Variants in UBE2K observed in about 807,000 individuals in gnomAD.
UBE2K encodes ubiquitin-conjugating enzyme E2 K.
A neutral mutation model predicts 30.0 loss-of-function variants in UBE2K; 6 were observed. The ratio of observed to expected loss-of-function variants is 0.20; its 90% CI spans 0.11 to 0.39. The LOEUF (loss-of-function observed/expected upper bound fraction) is 0.39, where lower values mean the gene tolerates loss of function less well. UBE2K is among the 10% of genes least tolerant of loss of function. UBE2K has a pLI of 1.00. For synonymous variants in UBE2K, 86 were observed against 83.7 expected (o/e 1.03, Z -0.15); for missense variants, 61 against 241.6 (o/e 0.25, Z 4.96).
At chr4:39,777,644 CTG>C in intron 5 of UBE2K, 36 bp from the exon 6 acceptor site, 2 of 1,500,428 alleles carry the variant, frequency 1.3e-6, no homozygotes, top group South Asian at 1.4e-5. Context: ...AATATTATAA[CTG>C]TAATGTCATG....
At position 39,739,442 on chromosome 4, in the gene UBE2K, A is replaced by ATTT. The variant is rs35957337; in HGVS notation, c.157+1947_157+1949dup. Among the ~76,000 whole-genome samples, 311 of 105,784 alleles carry ATTT rather than the reference A, an allele frequency of 2.9e-3. 8 individuals are homozygous for ATTT. Among genetic ancestry groups the ATTT allele is most frequent in the Middle Eastern group, 5.7e-3 (1 of 174 alleles). 69.4% of individuals were successfully genotyped at this position (105,784 alleles called of 152,430 possible). A position where few individuals can be genotyped will look rare whatever the true frequency, so the allele number is the denominator to read the frequency against. ...CATATTATACCAATTCTGTTTATTC[A>ATTT]TTTTTTTTTTTTTTTTTTTTGGGAG... On this transcript the variant is annotated intron_variant, in intron 2 of 6. Coordinates refer to ENST00000261427, the MANE Select transcript of UBE2K (RefSeq NM_005339.5).
At chr4:39,708,046 A>C (rs1338334984) in intron 1 of UBE2K, among the ~76,000 whole-genome samples, 4 of 151,646 alleles carry the variant, frequency 2.6e-5, no homozygotes, top group Admixed American at 2.6e-4. Context: ...ACAGGCATGC[A>C]CCACCACGCT....
At chr4:39,714,872 A>C (rs369010612) in intron 1 of UBE2K, among the ~76,000 whole-genome samples, 123 of 151,168 alleles carry the variant, frequency 8.1e-4, no homozygotes, top group Middle Eastern at 3.4e-3. Flanking sequence ...TTTAAGAGAC[A>C]GGTCTCACTC....
At chr4:39,715,264 G>A (rs1285621580) in intron 1 of UBE2K, among the ~76,000 whole-genome samples, 4 of 151,564 alleles carry the variant, frequency 2.6e-5, no homozygotes, top group African/African-American at 7.3e-5. Flanking sequence ...TCCTGACCTC[G>A]TGATCCACCT....
At chr4:39,713,848 C>T (rs901394579) in intron 1 of UBE2K, 2 of 151,492 alleles carry the variant, frequency 1.3e-5, no homozygotes, top group South Asian at 2.1e-4. Context: ...TGTTTAAAAC[C>T]GAAACTCTGG....
At chr4:39,718,028 A>G (rs146079364) in intron 1 of UBE2K, among the ~76,000 whole-genome samples, 15,871 of 152,136 alleles carry the variant, frequency 0.1, 1,095 homozygotes, top group East Asian at 0.22. Context: ...ATTTATTGCA[A>G]AGAGCAAAAG....
At chr4:39,705,194 GTTT>G (rs57314034) in intron 1 of UBE2K, among the ~76,000 whole-genome samples, 3 of 107,444 alleles carry the variant, frequency 2.8e-5, no homozygotes, top group Admixed American at 1.1e-4. Context: ...CTGCACCTGG[GTTT>G]TTTTTTTTTT....
rs996587736 is a variant in UBE2K at position 39,747,533 on chromosome 4, T to C, written c.216+1723T>C. 3.9e-5 allele frequency among the ~76,000 whole-genome samples: 6 copies of C among 152,254 alleles called. No homozygotes were observed. The South Asian group carries it at 1.2e-3, about 31-fold the overall frequency. ...GCATGTGTCAGAATTTCTTTGTTTT[T>C]AAGGCTGAATAATACTCCATTATAA... On this transcript the variant is annotated intron_variant, in intron 3 of 6. Transcript: ENST00000261427.
intron 4 of UBE2K, chr4:39,771,258 GT>G: frequency 6.2e-7 from 1 of 1,611,894 alleles, no homozygotes; most frequent in Non-Finnish European, 8.5e-7. Flanking sequence ...GCAGGAACTG[GT>G]CCCGCAGGAA....
intron 4 of UBE2K, among the ~76,000 whole-genome samples, chr4:39,764,180 C>A (rs1712154772): frequency 6.6e-6 from 1 of 152,152 alleles, no homozygotes; most frequent in Non-Finnish European, 1.5e-5. Context: ...CATGGCAAGA[C>A]CCTGTCTGTA....
intron 4 of UBE2K, among the ~76,000 whole-genome samples, chr4:39,764,869 G>A (rs1274345948): frequency 6.9e-6 from 1 of 145,446 alleles, no homozygotes; most frequent in Admixed American, 7.3e-5. Flanking sequence ...AAGGATTTTT[G>A]AATCTCTAAG....
intron 4 of UBE2K, among the ~76,000 whole-genome samples, chr4:39,763,439 C>T (rs538957860): frequency 1.7e-4 from 26 of 152,008 alleles, no homozygotes; most frequent in African/African-American, 4.8e-4. Flanking sequence ...TTAGTAGAGA[C>T]GGGGTTTCTC....
chr4:39,770,828 T>TA (rs1712752432), intron 4 of UBE2K: 1 of 1,547,486 alleles, frequency 6.5e-7, no homozygotes, highest in Non-Finnish European at 8.7e-7. Flanking sequence ...AGATGTCAGA[T>TA]ACGTCCTCAT....
In UBE2K at chr4:39,749,025, C is replaced by T. The variant is rs28587078; in HGVS notation, c.216+3215C>T. 7.5e-3 allele frequency among the ~76,000 whole-genome samples: 1,144 copies of T among 152,210 alleles called. 15 individuals carry two copies. Among genetic ancestry groups the T allele is most frequent in the African/African-American group, 0.026 (1,084 of 41,516 alleles). ...AATTGTGTGTTCACATGTGTTTGGA[C>T]TCAGGCTTAATTTTAAGTCTTATGA... On this transcript the variant is annotated intron_variant, in intron 3 of 6. Coordinates refer to ENST00000261427, the MANE Select transcript of UBE2K (RefSeq NM_005339.5).
intron 2 of UBE2K, among the ~76,000 whole-genome samples, chr4:39,742,338 T>G (rs567486326): frequency 5.3e-5 from 8 of 152,228 alleles, no homozygotes; most frequent in African/African-American, 1.9e-4. Flanking sequence ...CCTGTCAGTT[T>G]TTTTTTTCTT....
At position 39,770,796 on chromosome 4, in the gene UBE2K, G is replaced by A. The variant is rs1712747981; in HGVS notation, c.300-4038G>A. 1.9e-6 allele frequency: 3 copies of A among 1,566,540 alleles called. No individual in the cohort carries two copies. The South Asian group carries it at 3.6e-5, about 19-fold the overall frequency. On this transcript the variant is annotated intron_variant, in intron 4 of 6. Transcript: ENST00000261427. Reference sequence around the variant, plus strand: ...CTTGAGCCGGTGTGCGATGTCCAGGGCCGACTCCACCTTGACGATGCAGAT... The same window carrying A: ...CTTGAGCCGGTGTGCGATGTCCAGGACCGACTCCACCTTGACGATGCAGAT...
chr4:39,766,559 ATTTTCTCCT>A (rs1310234004), intron 4 of UBE2K, among the ~76,000 whole-genome samples: 1 of 151,074 alleles, frequency 6.6e-6, no homozygotes, highest in African/African-American at 2.4e-5. Context: ...ATTTGGAAAT[ATTTTCTCCT>A]GCAACACAGA....
intron 4 of UBE2K, chr4:39,771,133 T>C (rs1283955584): frequency 6.2e-6 from 10 of 1,612,660 alleles, no homozygotes; most frequent in Non-Finnish European, 3.4e-6. Context: ...TGTAAGATAG[T>C]TGACGATGTC....
rs532792952 is a variant in UBE2K at position 39,769,766 on chromosome 4, G to T, written c.300-5068G>T. 1.3e-4 allele frequency among the ~76,000 whole-genome samples: 18 copies of T among 143,260 alleles called. No homozygotes were observed. In the East Asian group the frequency reaches 1.6e-3, roughly 13 times the overall value. 94.0% of individuals were successfully genotyped at this position (143,260 alleles called of 152,430 possible). Reference sequence around the variant, plus strand: ...GAATAAAACATTTTTGTCTTCCCTCGTTCTATAGGACCCTTTTCCCTCCCT... The same window carrying T: ...GAATAAAACATTTTTGTCTTCCCTCTTTCTATAGGACCCTTTTCCCTCCCT... On this transcript the variant is annotated intron_variant, in intron 4 of 6. Transcript: ENST00000261427.
Sources: gnomAD v4.1 joint callset for allele counts (sites outside exome capture counted in the v4.1 genomes callset) on GRCh38, gnomAD v4.1.1 for gene constraint, MANE v1.5 for transcripts, NCBI Gene and HGNC (gene_info 2026-07-23, HGNC 2026-07-21) for gene names.